The following CD163L1 variants were observed in gnomAD, a reference collection of about 807,000 sequenced individuals.
The protein encoded by CD163L1 is scavenger receptor cysteine-rich type 1 protein M160.
CD163L1 carries 124 observed loss-of-function variants against 165.4 expected under a neutral mutation model. That is an observed-to-expected ratio of 0.75 (90% CI 0.65 to 0.87). The LOEUF (loss-of-function observed/expected upper bound fraction) is 0.87. CD163L1 is among the 40% of genes least tolerant of loss of function. The probability of loss-of-function intolerance (pLI) is 0.00; values close to 1 mark genes in which losing one functional copy is unlikely to be tolerated. For synonymous variants in CD163L1, 585 were observed against 662.2 expected (o/e 0.88, Z 1.79); for missense variants, 1,525 against 1,799.9 (o/e 0.85, Z 2.76).
chr12:7,422,786 T>TAC (rs1948464588), intron 4 of CD163L1, among the ~76,000 whole-genome samples: 1 of 148,390 alleles, frequency 6.7e-6, no homozygotes, highest in African/African-American at 2.5e-5. Flanking sequence ...TATATATATA[T>TAC]ACACACAGGT....
rs1279109595 is a variant in CD163L1 at position 7,421,442 on chromosome 12, TATACATATATGTAC to T, written c.766+10960_766+10973del. 3.8e-4 allele frequency among the ~76,000 whole-genome samples: 47 copies of T among 124,738 alleles called. 6 individuals carry two copies. The highest frequency in any genetic ancestry group is 1.0e-3 in the African/African-American group (32 of 30,868). 81.8% of individuals were successfully genotyped at this position (124,738 alleles called of 152,430 possible). On this transcript the variant is annotated intron_variant, in intron 4 of 19. Coordinates refer to ENST00000313599, the MANE Select transcript of CD163L1 (RefSeq NM_174941.6). ...ATATACATATATGTACATATATACA[TATACATATATGTAC>T]ATATATACATATATATACATATATG...
At chr12:7,427,380 T>C (rs942740038) in intron 4 of CD163L1, among the ~76,000 whole-genome samples, 3 of 152,160 alleles carry the variant, frequency 2.0e-5, no homozygotes, top group African/African-American at 7.2e-5. Flanking sequence ...CCCATGTTTA[T>C]GGATTAAAAT....
the CD163L1 span, among the ~76,000 whole-genome samples, chr12:7,336,398 T>A: frequency 6.6e-6 from 1 of 151,802 alleles, no homozygotes; most frequent in South Asian, 2.1e-4. Context: ...CTCAGCAAAC[T>A]ATTGCGAGGA....
Position 7,373,430 on chromosome 12 carries a change from A to G in CD163L1, c.3620T>C (p.Val1207Ala), listed in dbSNP as rs1947183957. The G allele has an allele frequency of 6.2e-7, 1 of 1,614,066 alleles. No homozygotes were observed. Among genetic ancestry groups the G allele is most frequent in the Non-Finnish European group, 8.5e-7 (1 of 1,180,024 alleles). ...CGTTTTAGGACACTGAATGTCATCC[A>G]CCCACATGAAACCAGAGCCTGTCTT... ...LSKTGSGFMW[V>A]DDIQCPKTHI... The change falls in exon 14 of 20, where the codon GTG becomes GCG. Residue 1207 changes from valine to alanine, a missense_variant. By Grantham distance (64) the Val-to-Ala change is moderately conservative (BLOSUM62 0). Transcript: ENST00000313599.
downstream of CD163L1, among the ~76,000 whole-genome samples, chr12:7,346,225 T>C (rs972263162): frequency 3.3e-5 from 5 of 152,222 alleles, no homozygotes; most frequent in Admixed American, 2.6e-4. Flanking sequence ...CATCATCTTT[T>C]ATTTTTGTAG....
chr12:7,394,920 C>T (rs1947740263), intron 8 of CD163L1, among the ~76,000 whole-genome samples: 1 of 151,870 alleles, frequency 6.6e-6, no homozygotes, highest in South Asian at 2.1e-4. Flanking sequence ...GTTAGAATGG[C>T]AATCATTAAA....
chr12:7,427,556 A>G (rs1203523948), intron 4 of CD163L1, among the ~76,000 whole-genome samples: 1 of 152,118 alleles, frequency 6.6e-6, no homozygotes, highest in Non-Finnish European at 1.5e-5. Context: ...GCATATTCTT[A>G]TGGCCTTGAT....
chr12:7,412,862 C>T (rs140662844), intron 4 of CD163L1, among the ~76,000 whole-genome samples: 7,037 of 151,838 alleles, frequency 0.046, 552 homozygotes, highest in African/African-American at 0.16. Context: ...TTTGGGAGGC[C>T]GAGGCGGGTA....
intron 4 of CD163L1, among the ~76,000 whole-genome samples, chr12:7,429,965 C>T (rs1257261190): frequency 6.6e-6 from 1 of 152,150 alleles, no homozygotes; most frequent in Non-Finnish European, 1.5e-5. Flanking sequence ...ATCACTCAAC[C>T]TTCCTCATTA....
intron 4 of CD163L1, among the ~76,000 whole-genome samples, chr12:7,416,364 G>A (rs1240969498): frequency 6.6e-6 from 1 of 152,132 alleles, no homozygotes; most frequent in South Asian, 2.1e-4. Flanking sequence ...TCATTTTGTA[G>A]GTTGACTATT....
chr12:7,414,205 A>G (rs917878749), intron 4 of CD163L1, among the ~76,000 whole-genome samples: 9 of 152,226 alleles, frequency 5.9e-5, no homozygotes, highest in African/African-American at 1.7e-4. Flanking sequence ...GAACATAGAT[A>G]GGCAACTAAA....
intron 3 of CD163L1, among the ~76,000 whole-genome samples, chr12:7,433,064 G>A (rs1948656083): frequency 1.3e-5 from 2 of 152,058 alleles, no homozygotes; most frequent in African/African-American, 4.8e-5. Context: ...AGCTAACCCT[G>A]CTCCCAAACT....
the CD163L1 span, among the ~76,000 whole-genome samples, chr12:7,339,712 C>T: frequency 1.3e-5 from 2 of 152,032 alleles, no homozygotes. Flanking sequence ...TGATTCTGAG[C>T]CCCCTTAACT....
intron 4 of CD163L1, among the ~76,000 whole-genome samples, chr12:7,430,474 C>T (rs1948609549): frequency 2.0e-5 from 3 of 152,146 alleles, no homozygotes; most frequent in Admixed American, 2.0e-4. Flanking sequence ...GCCTCTTCCA[C>T]CTCTCCGAGT....
intron 8 of CD163L1, among the ~76,000 whole-genome samples, chr12:7,392,585 T>C (rs1013383141): frequency 6.6e-6 from 1 of 152,004 alleles, no homozygotes; most frequent in African/African-American, 2.4e-5. Context: ...AGAGCAGAAC[T>C]GAAGGAGATA....
chr12:7,347,455 C>T lies in CD163L1; in HGVS notation c.*25-308G>A, dbSNP rs1414286050. 6.6e-6 allele frequency among the ~76,000 whole-genome samples: 1 copy of T among 151,998 alleles called. No individual in the cohort carries two copies. The highest frequency in any genetic ancestry group is 1.5e-5 in the Non-Finnish European group (1 of 68,012). The stretch of plus-strand genomic sequence containing the variant: ...GTTACTTTCCTTATATCTTTATAAC[C>T]AGTTTATCTTGGTTAATTTCTAAGG... On this transcript the variant is annotated intron_variant, in intron 4 of 4. Coordinates refer to the CD163L1 transcript ENST00000539726. The surrounding 1 kb of genome is among the most constrained non-coding windows in gnomAD (Gnocchi z 4.2).
intron 18 of CD163L1, among the ~76,000 whole-genome samples, chr12:7,366,036 AATATGTGGTATAT>A (rs1475342215): frequency 1.3e-5 from 2 of 152,168 alleles, no homozygotes; most frequent in Non-Finnish European, 2.9e-5. Context: ...AATGGGTAAG[AATATGTGGTATAT>A]ATACGCACAC....
At position 7,396,116 on chromosome 12, in the gene CD163L1, C is replaced by T. The variant is rs1320095578; in HGVS notation, c.2029G>A (p.Asp677Asn). 2 of 1,613,326 alleles carry T rather than the reference C, an allele frequency of 1.2e-6. No individual in the cohort carries two copies. The highest frequency in any genetic ancestry group is 4.5e-5 in the East Asian group (2 of 44,870). The change falls in exon 8 of 20, where the codon GAT (aspartate) becomes AAT (asparagine). Residue 677 changes from aspartate (D) to asparagine (N), a missense_variant. Physicochemically the swap from Asp to Asn is conservative, Grantham distance 23 (BLOSUM62 1). Coordinates refer to ENST00000313599, the MANE Select transcript of CD163L1 (RefSeq NM_174941.6). ...WGNNDCSHSE[D>N]VGVICSDASD... Reference sequence around the variant, plus strand: ...TTACCAGAACAGATCACTCCAACATCTTCACTGTGACTGCAGTCATTATTT... The same window carrying T: ...TTACCAGAACAGATCACTCCAACATTTTCACTGTGACTGCAGTCATTATTT...
intron 1 of CD163L1, 117 bp from the exon 2 acceptor site, chr12:7,441,363 C>T (rs1351998061): frequency 2.7e-6 from 2 of 736,994 alleles, no homozygotes; most frequent in Non-Finnish European, 4.5e-6. Context: ...ATTCTTCCAC[C>T]TGTCAAGGAT....
Sources: allele counts gnomAD v4.1 joint callset (sites outside exome capture counted in the v4.1 genomes callset), GRCh38; gene constraint gnomAD v4.1.1; non-coding constraint Gnocchi (gnomAD v3.1); transcripts MANE v1.5; gene names NCBI Gene and HGNC (gene_info 2026-07-23, HGNC 2026-07-21).